The following ARHGEF3 variants were observed in gnomAD, a reference collection of about 807,000 sequenced individuals.
ARHGEF3 encodes the protein Rho guanine nucleotide exchange factor 3, also known as 59.8 kDA protein.
A neutral mutation model predicts 63.2 loss-of-function variants in ARHGEF3; 28 were observed. The observed-to-expected ratio is 0.44, with a 90% confidence interval of 0.33 to 0.61. The LOEUF (loss-of-function observed/expected upper bound fraction) is 0.61. Ranked by LOEUF, ARHGEF3 falls within the 20% of genes least tolerant of loss-of-function variation. The pLI is 0.03. For missense variants in ARHGEF3, 533 were observed against 659.3 expected (o/e 0.81, Z 2.10); for synonymous variants, 266 against 254.2 (o/e 1.05, Z -0.44).
intron 1 of ARHGEF3, among the ~76,000 whole-genome samples, chr3:56,786,220 G>A (rs1019673449): frequency 2.0e-5 from 3 of 152,088 alleles, no homozygotes; most frequent in Non-Finnish European, 4.4e-5. Flanking sequence ...ACAACCACAT[G>A]GGATTGATTA....
intron 1 of ARHGEF3, among the ~76,000 whole-genome samples, chr3:56,794,475 C>T (rs9883458): frequency 0.17 from 21,319 of 128,064 alleles, 2,166 homozygotes; most frequent in African/African-American, 0.34. Context: ...GCAATAAGAG[C>T]GAGACTCTAT....
At chr3:56,798,435 A>G (rs2037474349) in intron 1 of ARHGEF3, among the ~76,000 whole-genome samples, 1 of 152,216 alleles carries the variant, frequency 6.6e-6, no homozygotes, top group Non-Finnish European at 1.5e-5. Context: ...ATTTTGATTA[A>G]AAATGAACTG....
chr3:56,904,632 C>A (rs1262771746), intron 3 of ARHGEF3, among the ~76,000 whole-genome samples: 1 of 152,202 alleles, frequency 6.6e-6, no homozygotes, highest in East Asian at 1.9e-4. Context: ...CAGAAGACAG[C>A]TGGATTCATA....
intron 1 of ARHGEF3, chr3:57,074,158 C>G: frequency 6.2e-7 from 1 of 1,614,102 alleles, no homozygotes; most frequent in African/African-American, 1.3e-5. Flanking sequence ...GATGCCGAGC[C>G]CAGTAGCACA....
At chr3:56,805,346 C>T (rs969082913), upstream of ARHGEF3, among the ~76,000 whole-genome samples, 2 of 152,134 alleles carry the variant, frequency 1.3e-5, no homozygotes, top group African/African-American at 2.4e-5. Flanking sequence ...GCAATCCTCC[C>T]GCCTCAGCCC....
chr3:57,007,410 G>C, intron 2 of ARHGEF3: 14 of 1,252,580 alleles, frequency 1.1e-5, no homozygotes, highest in Non-Finnish European at 1.5e-5. Context: ...AATTGATTTT[G>C]TTTATTCCAA....
chr3:56,972,185 C>G (rs577022752), intron 2 of ARHGEF3, among the ~76,000 whole-genome samples: 83 of 152,082 alleles, frequency 5.5e-4, no homozygotes, highest in Non-Finnish European at 1.1e-3. Flanking sequence ...AGCATGGGCT[C>G]TGCAGTCTCC....
chr3:56,953,201 T>A (rs939722667), intron 3 of ARHGEF3, among the ~76,000 whole-genome samples: 1 of 152,154 alleles, frequency 6.6e-6, no homozygotes, highest in African/African-American at 2.4e-5. Flanking sequence ...AAAGCCACAA[T>A]ACATACTGAC....
At chr3:56,858,243 CAAAAAAAA>C (rs10543472) in intron 4 of ARHGEF3, among the ~76,000 whole-genome samples, 1 of 88,102 alleles carries the variant, frequency 1.1e-5, no homozygotes, top group Non-Finnish European at 2.3e-5. Flanking sequence ...GACCCTGTCT[CAAAAAAAA>C]AAAAAAAAAA....
At chr3:56,838,733 T>C (rs1443770022) in intron 4 of ARHGEF3, among the ~76,000 whole-genome samples, 4 of 152,012 alleles carry the variant, frequency 2.6e-5, no homozygotes, top group Non-Finnish European at 5.9e-5. Flanking sequence ...AAAGCACAAA[T>C]TCCCGGGACC....
chr3:56,962,767 G>A (rs9311634), intron 2 of ARHGEF3, among the ~76,000 whole-genome samples: 51,279 of 152,028 alleles, frequency 0.34, 10,546 homozygotes, highest in Non-Finnish European at 0.45. Flanking sequence ...CACAGTAGCA[G>A]AGAAAAATCA....
rs926100007 is a variant in ARHGEF3 at position 56,882,358 on chromosome 3, C to G, written c.130-4G>C. On this transcript the variant is annotated splice_polypyrimidine_tract_variant and splice_region_variant and intron_variant, in intron 3 of 12. Coordinates refer to the ARHGEF3 transcript ENST00000338458. The stretch of plus-strand genomic sequence containing the variant: ...GGGTGCTCTGTTTCCGTTTTCGCTG[C>G]AAAACAAACGAAAAAACAAAGTTCA... 3.9e-6 allele frequency: 6 copies of G among 1,550,998 alleles called. No homozygotes were observed. The African/African-American group carries it at 4.1e-5, about 11-fold the overall frequency.
At chr3:56,747,097 A>AGAGAGAGAGAGAGAGAGAG in intron 6 of ARHGEF3, among the ~76,000 whole-genome samples, 1 of 140,166 alleles carries the variant, frequency 7.1e-6, no homozygotes, top group Non-Finnish European at 1.6e-5. Context: ...AGAGAGAGAG[A>AGAGAGAGAGAGAGAGAGAG]ACCCAAACGT....
At position 56,944,528 on chromosome 3, in the gene ARHGEF3, TG is replaced by T. The variant is rs1351075028; in HGVS notation, c.129+14294del. Among the ~76,000 whole-genome samples the T allele has an allele frequency of 5.3e-5, 8 of 150,630 alleles. 1 individual carries two copies. Among genetic ancestry groups the T allele is most frequent in the Admixed American group, 1.3e-4 (2 of 14,928 alleles). ...AGTCTCATGATAAAGCTTGAACGGA[TG>T]GGGAGTTGCTTCTTATGGATGAGCA... On this transcript the variant is annotated intron_variant, in intron 3 of 12. Coordinates refer to the ARHGEF3 transcript ENST00000338458.
intron 2 of ARHGEF3, among the ~76,000 whole-genome samples, chr3:56,996,529 T>C (rs1158431491): frequency 1.3e-5 from 2 of 152,222 alleles, no homozygotes; most frequent in Non-Finnish European, 2.9e-5. Flanking sequence ...TTCCATCTCA[T>C]GAGGACACAG....
At chr3:56,873,519 G>A (rs571025046) in intron 4 of ARHGEF3, among the ~76,000 whole-genome samples, 98 of 152,228 alleles carry the variant, frequency 6.4e-4, no homozygotes, top group Non-Finnish European at 1.3e-3. Context: ...GTTTGCTAAA[G>A]ATAATGGCCC....
At chr3:56,829,532 A>G (rs1328685514) in intron 4 of ARHGEF3, among the ~76,000 whole-genome samples, 1 of 152,124 alleles carries the variant, frequency 6.6e-6, no homozygotes, top group Admixed American at 6.6e-5. Flanking sequence ...TACAGTGGAG[A>G]AATAAAATGC....
chr3:56,955,948 C>A lies in ARHGEF3; in HGVS notation c.129+2875G>T, dbSNP rs117178109. ...AGTTTTGGCCAAGGAGGAATCTGGC[C>A]TTTGGCCAGGCCCTGAACTGTCTCC... On this transcript the variant is annotated intron_variant, in intron 3 of 12. Coordinates refer to the ARHGEF3 transcript ENST00000338458. Among the ~76,000 whole-genome samples, 225 of 152,342 alleles carry A rather than the reference C, an allele frequency of 1.5e-3. 5 individuals carry two copies. In the East Asian group the frequency reaches 0.041, roughly 28 times the overall value.
At chr3:56,986,047 C>T (rs34271852) in intron 2 of ARHGEF3, among the ~76,000 whole-genome samples, 22,562 of 152,194 alleles carry the variant, frequency 0.15, 2,038 homozygotes, top group Non-Finnish European at 0.2. Context: ...CACCCCAGCA[C>T]GCTGCACTCT....
Sources: allele counts gnomAD v4.1 joint callset (sites outside exome capture counted in the v4.1 genomes callset), GRCh38; gene constraint gnomAD v4.1.1; transcripts MANE v1.5; gene names NCBI Gene and HGNC (gene_info 2026-07-23, HGNC 2026-07-21).